DNAH11: variants seen among roughly 807,000 people sequenced by gnomAD.
DNAH11 encodes dynein axonemal heavy chain 11, also known as axonemal beta dynein heavy chain 11.
A neutral mutation model predicts 526.0 loss-of-function variants in DNAH11; 442 were observed. The observed-to-expected ratio is 0.84, with a 90% CI of 0.78 to 0.91. The LOEUF (loss-of-function observed/expected upper bound fraction) is 0.91. Among genes scored for constraint, DNAH11 ranks in the 40% least tolerant of loss-of-function variants. The pLI, the probability that DNAH11 is intolerant of heterozygous loss-of-function variation, is 0.00. For synonymous variants in DNAH11, 2,461 were observed against 1,935.9 expected (o/e 1.27, Z -7.12); for missense variants, 6,989 against 5,448.7 (o/e 1.28, Z -8.90).
chr7:21,550,858 C>T (rs1332075983), intron 2 of DNAH11, among the ~76,000 whole-genome samples: 1 of 152,140 alleles, frequency 6.6e-6, no homozygotes, highest in African/African-American at 2.4e-5. Context: ...TCAGTAAATT[C>T]TTTAGTCTTT....
Position 21,663,449 on chromosome 7 carries a change from A to G in DNAH11, c.5328+4418A>G, listed in dbSNP as rs150013996. On this transcript the variant is annotated intron_variant, in intron 30 of 81. Coordinates refer to ENST00000409508, the MANE Select transcript of DNAH11 (RefSeq NM_001277115.2). ...TAATTTATATTCTCACGAAGAATGT[A>G]TAAGAGTTCTTTTTTTTCCGCATCT... Among the ~76,000 whole-genome samples the G allele has an allele frequency of 2.6e-5, 4 of 152,220 alleles. No individual in the cohort carries two copies. The East Asian group carries it at 7.7e-4, about 29-fold the overall frequency.
chr7:21,675,564 G>C (rs1287755548), intron 30 of DNAH11, among the ~76,000 whole-genome samples: 1 of 152,176 alleles, frequency 6.6e-6, no homozygotes, highest in Non-Finnish European at 1.5e-5. Flanking sequence ...TTCTTGTCCT[G>C]TAAGGTCTGG....
At chr7:21,687,583 G>T in intron 34 of DNAH11, 56 bp downstream of exon 34, 1 of 1,569,092 alleles carries the variant, frequency 6.4e-7, no homozygotes, top group East Asian at 2.3e-5. Flanking sequence ...GAATAATGCA[G>T]GTAACCTCCC....
intron 37 of DNAH11, among the ~76,000 whole-genome samples, chr7:21,703,288 C>T (rs546560081): frequency 2.2e-4 from 34 of 152,334 alleles, no homozygotes; most frequent in African/African-American, 7.5e-4. Flanking sequence ...AAATGTTCTG[C>T]TCTCCTTCCT....
intron 30 of DNAH11, among the ~76,000 whole-genome samples, chr7:21,677,222 T>C (rs977663821): frequency 6.6e-6 from 1 of 150,496 alleles, no homozygotes; most frequent in Non-Finnish European, 1.5e-5. Flanking sequence ...TTTTTTTTTT[T>C]AAACAAATTA....
chr7:21,839,293 G>A (rs1442758354), intron 65 of DNAH11, among the ~76,000 whole-genome samples: 2 of 152,032 alleles, frequency 1.3e-5, no homozygotes, highest in African/African-American at 2.4e-5. Flanking sequence ...AGTTGATGCC[G>A]ACCGGGTATG....
intron 76 of DNAH11, among the ~76,000 whole-genome samples, chr7:21,887,913 A>G (rs184545280): frequency 1.3e-5 from 2 of 152,252 alleles, no homozygotes; most frequent in African/African-American, 4.8e-5. Context: ...TCAGACTCCA[A>G]AGGCTGGTCT....
intron 61 of DNAH11, among the ~76,000 whole-genome samples, chr7:21,795,032 G>A (rs763465264): frequency 1.3e-5 from 2 of 152,174 alleles, no homozygotes; most frequent in Non-Finnish European, 2.9e-5. Flanking sequence ...GATGTTGCTG[G>A]TGATAGTCTT....
chr7:21,717,978 GTTGATCAAGACAACAGAAGATC>G (rs1307598957), intron 43 of DNAH11, 53 bp downstream of exon 43: 2 of 1,551,690 alleles, frequency 1.3e-6, no homozygotes, highest in Admixed American at 3.8e-5. Flanking sequence ...GGTAGTGTTT[GTTGATCAAGACAACAGAAGATC>G]TTGCCTTGCC....
At chr7:21,746,289 A>C (rs1390283839) in intron 51 of DNAH11, among the ~76,000 whole-genome samples, 1 of 152,224 alleles carries the variant, frequency 6.6e-6, no homozygotes, top group Non-Finnish European at 1.5e-5. Flanking sequence ...CTTAAACAGA[A>C]AAAGAAAAAA....
At chr7:21,834,077 C>T (rs1781894265) in intron 65 of DNAH11, among the ~76,000 whole-genome samples, 1 of 152,156 alleles carries the variant, frequency 6.6e-6, no homozygotes, top group Non-Finnish European at 1.5e-5. Context: ...ATGCAATTTT[C>T]TCCAGGATAG....
At chr7:21,575,392 A>G (rs926738686) in intron 8 of DNAH11, among the ~76,000 whole-genome samples, 2 of 152,220 alleles carry the variant, frequency 1.3e-5, no homozygotes, top group Non-Finnish European at 2.9e-5. Context: ...TCTAAAATAC[A>G]TTTTAAAAGT....
intron 8 of DNAH11, among the ~76,000 whole-genome samples, chr7:21,580,088 T>C (rs780847758): frequency 3.3e-5 from 5 of 152,204 alleles, no homozygotes; most frequent in African/African-American, 1.2e-4. Context: ...TGTGGGACTT[T>C]CCAAGGGAGA....
intron 54 of DNAH11, among the ~76,000 whole-genome samples, chr7:21,751,099 G>A (rs1786393685): frequency 6.6e-6 from 1 of 152,106 alleles, no homozygotes. Context: ...CATGGTGGGT[G>A]GATCACCTGA....
chr7:21,676,724 C>G (rs1782907687), intron 30 of DNAH11, among the ~76,000 whole-genome samples: 2 of 152,142 alleles, frequency 1.3e-5, no homozygotes, highest in Non-Finnish European at 2.9e-5. Flanking sequence ...TATACATGTT[C>G]TTATAAGGCA....
intron 63 of DNAH11, among the ~76,000 whole-genome samples, chr7:21,814,033 C>T (rs1583725964): frequency 6.6e-6 from 1 of 152,284 alleles, no homozygotes; most frequent in South Asian, 2.1e-4. Flanking sequence ...CATGGCATAG[C>T]CTATTGCTCC....
intron 66 of DNAH11, among the ~76,000 whole-genome samples, chr7:21,847,927 A>C (rs1305795614): frequency 6.6e-6 from 1 of 152,068 alleles, no homozygotes; most frequent in East Asian, 1.9e-4. Flanking sequence ...GCACTTTGGG[A>C]GGCTGAGACG....
In DNAH11 at chr7:21,637,716, T is replaced by C. The variant is rs1417813129; in HGVS notation, c.4817+14T>C. On this transcript the variant is annotated intron_variant, in intron 27 of 81. Coordinates refer to ENST00000409508, the MANE Select transcript of DNAH11 (RefSeq NM_001277115.2). Reference sequence around the variant, plus strand: ...TTTACAGTCCAGGTAAGAATAAAGCTATATAAGATAATCAATTTACTGTAA... The same window carrying C: ...TTTACAGTCCAGGTAAGAATAAAGCCATATAAGATAATCAATTTACTGTAA... The C allele has an allele frequency of 6.9e-7, 1 of 1,444,822 alleles. No individual in the cohort carries two copies. 89.5% of individuals were successfully genotyped at this position (1,444,822 alleles called of 1,614,324 possible).
At chr7:21,655,060 T>C (rs1781954927) in intron 28 of DNAH11, among the ~76,000 whole-genome samples, 1 of 151,352 alleles carries the variant, frequency 6.6e-6, no homozygotes, top group Non-Finnish European at 1.5e-5. Context: ...TTTGTTGTTG[T>C]TGGTTTTCCC....
Sources: allele counts gnomAD v4.1 joint callset (sites outside exome capture counted in the v4.1 genomes callset), GRCh38; gene constraint gnomAD v4.1.1; transcripts MANE v1.5; gene names NCBI Gene and HGNC (gene_info 2026-07-23, HGNC 2026-07-21).